The following NAALADL2 variants were observed in gnomAD, a reference collection of about 807,000 sequenced individuals.
The protein encoded by NAALADL2 is inactive N-acetylated-alpha-linked acidic dipeptidase-like protein 2.
NAALADL2 carries 76 observed loss-of-function variants against 87.2 expected under a neutral mutation model. The ratio of observed to expected loss-of-function variants is 0.87; its 90% CI spans 0.72 to 1.05. The LOEUF (loss-of-function observed/expected upper bound fraction) is 1.05, where lower values mean the gene tolerates loss of function less well. Ranked by LOEUF, NAALADL2 falls within the 50% of genes least tolerant of loss-of-function variation. The probability of loss-of-function intolerance (pLI) is 0.00; values close to 1 mark genes in which losing one functional copy is unlikely to be tolerated. For missense variants in NAALADL2, 1,089 were observed against 945.8 expected (o/e 1.15, Z -1.99); for synonymous variants, 354 against 331.0 (o/e 1.07, Z -0.75).
At chr3:174,981,786 A>G (rs369761706) in intron 1 of NAALADL2, among the ~76,000 whole-genome samples, 20 of 152,142 alleles carry the variant, frequency 1.3e-4, no homozygotes, top group African/African-American at 4.3e-4. Context: ...TCCAGTACTC[A>G]CCTACCTTTT....
intron 2 of NAALADL2, among the ~76,000 whole-genome samples, chr3:175,137,554 TA>T (rs1336733432): frequency 6.6e-6 from 1 of 151,932 alleles, no homozygotes; most frequent in African/African-American, 2.4e-5. Context: ...CACATTCAGA[TA>T]TTTTTTAGAT....
At chr3:175,090,594 C>A (rs886204593) in intron 1 of NAALADL2, among the ~76,000 whole-genome samples, 1 of 149,200 alleles carries the variant, frequency 6.7e-6, no homozygotes, top group Non-Finnish European at 1.5e-5. Context: ...ATGGCTTTGA[C>A]TACATTTTGC....
chr3:174,712,380 CTTTTTTT>C (rs1169827021), intron 2 of NAALADL2, among the ~76,000 whole-genome samples: 6 of 70,450 alleles, frequency 8.5e-5, no homozygotes, highest in African/African-American at 1.2e-4. Flanking sequence ...TTCTCCTCTT[CTTTTTTT>C]TTTTTTTTTT....
intron 3 of NAALADL2, among the ~76,000 whole-genome samples, chr3:174,805,147 C>G (rs1230661927): frequency 6.6e-6 from 1 of 152,058 alleles, no homozygotes; most frequent in African/African-American, 2.4e-5. Flanking sequence ...AGTAATTACT[C>G]TGGGAATCTT....
intron 13 of NAALADL2, among the ~76,000 whole-genome samples, chr3:175,777,367 T>C (rs1029137498): frequency 2.8e-4 from 42 of 152,056 alleles, no homozygotes; most frequent in African/African-American, 9.7e-4. Flanking sequence ...CTCTATAAAA[T>C]GGAAATAATA....
chr3:175,058,090 A>G (rs1276672866), intron 1 of NAALADL2, among the ~76,000 whole-genome samples: 1 of 152,120 alleles, frequency 6.6e-6, no homozygotes. Context: ...TTTTTTTTCA[A>G]TGACAATTTG....
intron 5 of NAALADL2, among the ~76,000 whole-genome samples, chr3:175,398,327 T>A (rs548351310): frequency 6.7e-6 from 1 of 149,696 alleles, no homozygotes; most frequent in South Asian, 2.1e-4. Context: ...CATTCTTAAT[T>A]AGTGATGCTT....
intron 1 of NAALADL2, among the ~76,000 whole-genome samples, chr3:175,035,293 G>T (rs550172391): frequency 1.3e-5 from 2 of 152,130 alleles, no homozygotes; most frequent in Admixed American, 6.6e-5. Context: ...CTTCCAATGA[G>T]GATAAGCATT....
intron 2 of NAALADL2, among the ~76,000 whole-genome samples, chr3:174,691,026 A>G (rs1477818080): frequency 6.6e-6 from 1 of 152,206 alleles, no homozygotes; most frequent in African/African-American, 2.4e-5. Context: ...TTCCCAACGC[A>G]TATAAAAGTT....
At chr3:174,780,522 A>G (rs1015858124) in intron 3 of NAALADL2, among the ~76,000 whole-genome samples, 3 of 152,104 alleles carry the variant, frequency 2.0e-5, no homozygotes, top group African/African-American at 7.2e-5. Flanking sequence ...TATTATGTTG[A>G]ATAGGAGTGG....
chr3:174,444,330 C>T (rs887005490), intron 1 of NAALADL2, among the ~76,000 whole-genome samples: 1 of 152,104 alleles, frequency 6.6e-6, no homozygotes, highest in African/African-American at 2.4e-5. Flanking sequence ...TCTCTTTTCT[C>T]ATTGTTTATG....
intron 11 of NAALADL2, among the ~76,000 whole-genome samples, chr3:175,727,552 A>G (rs1001859383): frequency 6.6e-6 from 1 of 152,166 alleles, no homozygotes; most frequent in Non-Finnish European, 1.5e-5. Context: ...GGAATTCTTC[A>G]ATGACTTTGG....
intron 1 of NAALADL2, among the ~76,000 whole-genome samples, chr3:174,502,349 C>T (rs560656578): frequency 2.0e-5 from 3 of 152,244 alleles, no homozygotes; most frequent in East Asian, 1.9e-4. Context: ...AATTTACATT[C>T]GTGTGATACT....
intron 5 of NAALADL2, among the ~76,000 whole-genome samples, chr3:175,418,130 A>G (rs527368225): frequency 2.6e-5 from 4 of 152,260 alleles, no homozygotes; most frequent in East Asian, 3.9e-4. Context: ...AAAAGAGAAA[A>G]AGAGAAAGGG....
intron 1 of NAALADL2, among the ~76,000 whole-genome samples, chr3:174,466,485 C>G (rs1236413128): frequency 6.6e-6 from 1 of 152,086 alleles, no homozygotes; most frequent in Non-Finnish European, 1.5e-5. Flanking sequence ...AGCTAAAACT[C>G]TTACTGTGAA....
At chr3:175,111,584 A>G (rs1156901688) in intron 2 of NAALADL2, among the ~76,000 whole-genome samples, 2 of 151,692 alleles carry the variant, frequency 1.3e-5, no homozygotes, top group Non-Finnish European at 3.0e-5. Flanking sequence ...AATAAAAGAA[A>G]CAAAATTTGA....
rs1245970652 is a variant in NAALADL2 at position 174,829,577 on chromosome 3, C to T, written c.-9+91831C>T. On this transcript the variant is annotated intron_variant, in intron 3 of 3. Coordinates refer to the NAALADL2 transcript ENST00000434257. ...TGTGAATAATGCCGCAATAAACATA[C>T]GTGTGCATGTGTCTTTATAGCAGCA... 1.4e-3 allele frequency among the ~76,000 whole-genome samples: 190 copies of T among 140,006 alleles called. 4 individuals carry two copies. Among genetic ancestry groups the T allele is most frequent in the Admixed American group, 3.7e-3 (52 of 13,936 alleles). The allele number at this position is 140,006 out of a possible 152,430, so 91.8% of individuals were successfully genotyped here.
intron 2 of NAALADL2, among the ~76,000 whole-genome samples, chr3:174,644,702 T>C (rs1723601872): frequency 6.6e-6 from 1 of 152,200 alleles, no homozygotes; most frequent in African/African-American, 2.4e-5. Flanking sequence ...ATGATGTTTT[T>C]GTCTTATGAG....
chr3:175,726,121 C>T (rs867154556), intron 11 of NAALADL2, among the ~76,000 whole-genome samples: 1 of 151,942 alleles, frequency 6.6e-6, no homozygotes, highest in African/African-American at 2.4e-5. Flanking sequence ...ATGACTATAT[C>T]ACTGAAAAAT....
Sources: gnomAD v4.1 joint callset for allele counts (sites outside exome capture counted in the v4.1 genomes callset) on GRCh38, gnomAD v4.1.1 for gene constraint, MANE v1.5 for transcripts, NCBI Gene and HGNC (gene_info 2026-07-23, HGNC 2026-07-21) for gene names.